The following XIRP2 variants were observed in gnomAD, a reference collection of about 807,000 sequenced individuals.
XIRP2 encodes the protein xin actin binding repeat containing 2.
XIRP2 carries 236 observed loss-of-function variants against 277.0 expected under a neutral mutation model. The observed-to-expected ratio is 0.85, with a 90% confidence interval of 0.77 to 0.95. The LOEUF (loss-of-function observed/expected upper bound fraction) is 0.95. XIRP2 is among the 40% of genes least tolerant of loss of function. The pLI, the probability that XIRP2 is intolerant of heterozygous loss-of-function variation, is 0.00. For synonymous variants in XIRP2, 1,490 were observed against 1,416.5 expected (o/e 1.05, Z -1.17); for missense variants, 4,640 against 4,157.5 (o/e 1.12, Z -3.19).
chr2:166,964,489 G>A lies in XIRP2; in HGVS notation c.408+60599G>A, dbSNP rs116284007. Among the ~76,000 whole-genome samples the A allele has an allele frequency of 6.4e-3, 976 of 151,676 alleles. 16 individuals are homozygous for A. The highest frequency in any genetic ancestry group is 0.022 in the African/African-American group (926 of 41,414). ...TTAAAATATTTTTAGTTTCATTACC[G>A]CAAATAGGAGGCTGTAAATGATTTT... is the stretch of plus-strand genomic sequence containing the variant. On this transcript the variant is annotated intron_variant, in intron 2 of 10. Transcript: ENST00000409195.
At chr2:167,008,385 G>T (rs1949107) in intron 2 of XIRP2, among the ~76,000 whole-genome samples, 15,631 of 151,446 alleles carry the variant, frequency 0.1, 1,318 homozygotes, top group East Asian at 0.38. Context: ...AAAGTGTGTT[G>T]ACTAGAACTG....
intron 2 of XIRP2, among the ~76,000 whole-genome samples, chr2:167,045,490 T>C (rs2105526358): frequency 6.6e-6 from 1 of 152,148 alleles, no homozygotes; most frequent in South Asian, 2.1e-4. Flanking sequence ...GAGAAAATAT[T>C]TGCAACCTAT....
chr2:167,184,765 T>C, intron 3 of XIRP2: 2 of 630,894 alleles, frequency 3.2e-6, no homozygotes, highest in Non-Finnish European at 5.7e-6. Context: ...ATGACAGCAT[T>C]GGCCTGATGC....
chr2:166,912,419 A>C (rs141216985), intron 2 of XIRP2, among the ~76,000 whole-genome samples: 1 of 152,168 alleles, frequency 6.6e-6, no homozygotes, highest in East Asian at 1.9e-4. Flanking sequence ...AAGCTTGTGC[A>C]TTCGTCACAT....
chr2:166,946,209 C>G (rs1427408905), intron 2 of XIRP2, among the ~76,000 whole-genome samples: 1 of 152,048 alleles, frequency 6.6e-6, no homozygotes, highest in Non-Finnish European at 1.5e-5. Context: ...AGGAGAGTAT[C>G]CTGATTATAT....
At chr2:167,113,567 C>G (rs1454883073) in intron 2 of XIRP2, among the ~76,000 whole-genome samples, 1 of 152,144 alleles carries the variant, frequency 6.6e-6, no homozygotes, top group Admixed American at 6.6e-5. Flanking sequence ...TTGAAGATAG[C>G]ATACCATCTG....
rs929877584 is a variant in XIRP2, at chr2:167,224,067, C to T, written c.858+5767C>T. 2.0e-5 allele frequency among the ~76,000 whole-genome samples: 3 copies of T among 152,076 alleles called. No homozygotes were observed. In the East Asian group the frequency reaches 5.8e-4, roughly 29 times the overall value. On this transcript the variant is annotated intron_variant, in intron 5 of 10. Coordinates refer to ENST00000409195, the MANE Select transcript of XIRP2 (RefSeq NM_152381.6). ...TGGCATCTTGTTAAGGACCTTCTTG[C>T]TATGTCATAATGTGGCAGAAAGTGA...
chr2:166,922,464 C>T (rs767746652), intron 2 of XIRP2, among the ~76,000 whole-genome samples: 6 of 152,130 alleles, frequency 3.9e-5, no homozygotes, highest in Non-Finnish European at 7.4e-5. Context: ...TGTGACTCTC[C>T]AGTATTGAGG....
intron 1 of XIRP2, among the ~76,000 whole-genome samples, chr2:166,892,058 T>C (rs1270088734): frequency 6.6e-6 from 1 of 152,162 alleles, no homozygotes; most frequent in Non-Finnish European, 1.5e-5. Context: ...AACTACTATT[T>C]TGAAGGATGC....
chr2:166,919,364 T>C (rs1684977726), intron 2 of XIRP2, among the ~76,000 whole-genome samples: 2 of 152,186 alleles, frequency 1.3e-5, no homozygotes, highest in Admixed American at 1.3e-4. Context: ...TACTTAATAG[T>C]GTACTAACTT....
In XIRP2 at chr2:167,258,685, A is replaced by G. The variant is rs774540105; in HGVS notation, c.*868A>G. ...ATAAGAATAATAATAACAATTATGTAGCAGTCTCATATCTGAATAATTGCA... is the reference window on the plus strand; with the variant it reads ...ATAAGAATAATAATAACAATTATGTGGCAGTCTCATATCTGAATAATTGCA... On this transcript the variant is annotated 3_prime_UTR_variant, in exon 11 of 11. Coordinates refer to ENST00000409195, the MANE Select transcript of XIRP2 (RefSeq NM_152381.6). 1.2e-6 allele frequency: 2 copies of G among 1,612,578 alleles called. No individual in the cohort carries two copies. The highest frequency in any genetic ancestry group is 2.2e-5 in the East Asian group (1 of 44,812).
intron 2 of XIRP2, among the ~76,000 whole-genome samples, chr2:167,121,804 A>C (rs1029066408): frequency 6.6e-6 from 1 of 152,210 alleles, no homozygotes; most frequent in Admixed American, 6.5e-5. Context: ...GTTACACAGC[A>C]TTAAAATCTG....
intron 2 of XIRP2, among the ~76,000 whole-genome samples, chr2:166,949,929 A>G (rs1685982742): frequency 6.6e-6 from 1 of 152,054 alleles, no homozygotes; most frequent in African/African-American, 2.4e-5. Context: ...ATTCTCAAAT[A>G]TATTCTTTTT....
rs73973546 is a variant in XIRP2, at chr2:166,977,501, T to A, written c.408+73611T>A. ...CATCATATCAATTGTACTGTTAACA[T>A]TTTACTGTATTTGTATTATCATATA... On this transcript the variant is annotated intron_variant, in intron 2 of 10. Coordinates refer to ENST00000409195, the MANE Select transcript of XIRP2 (RefSeq NM_152381.6). 3.1e-3 allele frequency among the ~76,000 whole-genome samples: 478 copies of A among 152,260 alleles called. 4 individuals are homozygous for A. Among genetic ancestry groups the A allele is most frequent in the African/African-American group, 0.011 (453 of 41,552 alleles).
chr2:167,250,412 A>T lies in XIRP2; in HGVS notation c.9020A>T (p.Lys3007Ile), dbSNP rs760864263. The change falls in exon 9 of 11, where the codon AAA (lysine) becomes ATA (isoleucine). Residue 3007 changes from lysine (K) to isoleucine (I), a missense_variant. Coordinates refer to ENST00000409195, the MANE Select transcript of XIRP2 (RefSeq NM_152381.6). ...ATTGCCATGGAGAATAATTTAGAAA[A>T]AGTAAAAGAAGAAATAACACATATT... The part of the protein sequence containing the change: ...VHIAMENNLE[K>I]VKEEITHIKT... The T allele has an allele frequency of 1.1e-5, 18 of 1,613,316 alleles. No individual in the cohort carries two copies. Among genetic ancestry groups the T allele is most frequent in the South Asian group, 2.2e-5 (2 of 91,032 alleles).
chr2:167,035,735 C>T (rs1688491309), intron 2 of XIRP2, among the ~76,000 whole-genome samples: 1 of 152,242 alleles, frequency 6.6e-6, no homozygotes, highest in South Asian at 2.1e-4. Flanking sequence ...AATGTTAATC[C>T]CCAAGACCAT....
At chr2:167,096,445 C>T (rs1170783588) in intron 2 of XIRP2, among the ~76,000 whole-genome samples, 1 of 151,834 alleles carries the variant, frequency 6.6e-6, no homozygotes, top group Non-Finnish European at 1.5e-5. Flanking sequence ...CTCTTTTATT[C>T]TTTATTAGTC....
intron 2 of XIRP2, among the ~76,000 whole-genome samples, chr2:166,939,592 A>G (rs575935672): frequency 5.4e-4 from 79 of 145,824 alleles, no homozygotes; most frequent in African/African-American, 1.8e-3. Context: ...GGGCAGGAGA[A>G]TGGCGTGAAC....
At position 167,113,662 on chromosome 2, in the gene XIRP2, G is replaced by A. The variant is rs536448749; in HGVS notation, c.409-22247G>A. On this transcript the variant is annotated intron_variant, in intron 2 of 10. Coordinates refer to ENST00000409195, the MANE Select transcript of XIRP2 (RefSeq NM_152381.6). ...TTTCATTTAAGGTTAGTATTGACATGTGTGATTTGATCCTGTCATGTTGTT... is the reference window on the plus strand; with the variant it reads ...TTTCATTTAAGGTTAGTATTGACATATGTGATTTGATCCTGTCATGTTGTT... 6.6e-5 allele frequency among the ~76,000 whole-genome samples: 10 copies of A among 151,882 alleles called. 1 individual carries two copies. The South Asian group carries it at 1.9e-3, about 29-fold the overall frequency.
Sources: allele counts gnomAD v4.1 joint callset (sites outside exome capture counted in the v4.1 genomes callset), GRCh38; gene constraint gnomAD v4.1.1; transcripts MANE v1.5; gene names NCBI Gene and HGNC (gene_info 2026-07-23, HGNC 2026-07-21).